KLF12: variants seen among roughly 807,000 people sequenced by gnomAD.
KLF12 encodes KLF transcription factor 12, also known as Krueppel-like factor 12.
In KLF12, 9 loss-of-function variants were observed where a neutral mutation model predicts 37.8. That is an observed-to-expected ratio of 0.24 (90% CI 0.14 to 0.42). KLF12 has a LOEUF of 0.42. Ranked by LOEUF, KLF12 falls within the 10% of genes least tolerant of loss-of-function variation. The probability of loss-of-function intolerance (pLI) is 1.00; values close to 1 mark genes in which losing one functional copy is unlikely to be tolerated. For synonymous variants in KLF12, 208 were observed against 202.1 expected, an observed-to-expected ratio of 1.03 and a Z score of -0.25; for missense variants, 411 against 516.0, an observed-to-expected ratio of 0.80 and a Z score of 1.97.
At chr13:74,250,811 T>C in the KLF12 span, among the ~76,000 whole-genome samples, 3 of 152,208 alleles carry the variant, frequency 2.0e-5, no homozygotes, top group African/African-American at 4.8e-5. Flanking sequence ...AACCATTACA[T>C]GCATTAGTCA....
chr13:74,125,154 A>T (rs559789341), intron 1 of KLF12, among the ~76,000 whole-genome samples: 2,200 of 143,266 alleles, frequency 0.015, 60 homozygotes, highest in African/African-American at 0.052. Flanking sequence ...CAAAAAAAAA[A>T]ATATATATAT....
chr13:74,242,414 T>A, the KLF12 span, among the ~76,000 whole-genome samples: 1 of 152,098 alleles, frequency 6.6e-6, no homozygotes, highest in South Asian at 2.1e-4. Flanking sequence ...GAGAACCAAG[T>A]GAAAGAGGAA....
intron 1 of KLF12, among the ~76,000 whole-genome samples, chr13:74,022,089 G>C (rs916897558): frequency 6.6e-5 from 10 of 152,016 alleles, no homozygotes; most frequent in African/African-American, 2.4e-4. Context: ...TTGTGTCTTA[G>C]ATATTCTAAA....
chr13:74,147,012 C>A, the KLF12 span, among the ~76,000 whole-genome samples: 7 of 152,168 alleles, frequency 4.6e-5, no homozygotes, highest in African/African-American at 1.7e-4. Context: ...GATTGTGTAG[C>A]CCGTGCATGT....
chr13:74,192,108 T>C, the KLF12 span, among the ~76,000 whole-genome samples: 1 of 151,966 alleles, frequency 6.6e-6, no homozygotes, highest in Non-Finnish European at 1.5e-5. Context: ...CTTTGAGAAA[T>C]GTGTGCTTTC....
intron 2 of KLF12, among the ~76,000 whole-genome samples, chr13:73,965,027 G>A (rs1264697394): frequency 6.6e-6 from 1 of 152,130 alleles, no homozygotes; most frequent in Non-Finnish European, 1.5e-5. Context: ...AAGCAGTTTA[G>A]CTTGGCCTTG....
the KLF12 span, among the ~76,000 whole-genome samples, chr13:74,238,864 A>G: frequency 3.3e-5 from 5 of 151,534 alleles, no homozygotes; most frequent in East Asian, 9.7e-4. Flanking sequence ...GCGGTCTGTC[A>G]ATTTTGTTGA....
the KLF12 span, among the ~76,000 whole-genome samples, chr13:74,199,971 T>C: frequency 2.6e-5 from 4 of 152,270 alleles, no homozygotes; most frequent in East Asian, 1.9e-4. Flanking sequence ...TAAACACTTA[T>C]AGCATCCTAC....
At chr13:73,913,000 C>A (rs554635027) in intron 3 of KLF12, among the ~76,000 whole-genome samples, 33 of 151,766 alleles carry the variant, frequency 2.2e-4, no homozygotes, top group Non-Finnish European at 3.7e-4. Flanking sequence ...TCCAAGAAAC[C>A]TTCCCTTATT....
chr13:73,918,710 A>G (rs1315750937), intron 3 of KLF12, among the ~76,000 whole-genome samples: 2 of 152,156 alleles, frequency 1.3e-5, no homozygotes, highest in African/African-American at 4.8e-5. Context: ...TTATCCAACA[A>G]GGACTTATTT....
intron 3 of KLF12, among the ~76,000 whole-genome samples, chr13:73,914,673 A>T (rs987483753): frequency 8.5e-5 from 13 of 152,200 alleles, no homozygotes; most frequent in Admixed American, 8.5e-4. Context: ...GAGACAGCAC[A>T]CGGGGCTATT....
At chr13:73,894,474 G>T (rs112596174) in intron 3 of KLF12, among the ~76,000 whole-genome samples, 2,567 of 152,186 alleles carry the variant, frequency 0.017, 47 homozygotes, top group African/African-American at 0.045. Context: ...TAATTCATAA[G>T]AGGTTGTCAC....
chr13:73,708,171 A>G (rs1272858817), intron 7 of KLF12, among the ~76,000 whole-genome samples: 2 of 152,206 alleles, frequency 1.3e-5, no homozygotes, highest in African/African-American at 4.8e-5. Flanking sequence ...CTTAATGTAC[A>G]AAATTCAGAT....
intron 1 of KLF12, among the ~76,000 whole-genome samples, chr13:74,111,711 TGC>T (rs2138927002): frequency 9.2e-6 from 1 of 108,242 alleles, no homozygotes; most frequent in Admixed American, 1.0e-4. Context: ...AAAACATTTG[TGC>T]CAATGGGGAA....
chr13:73,947,724 A>C (rs577126080), intron 2 of KLF12, among the ~76,000 whole-genome samples: 1 of 151,976 alleles, frequency 6.6e-6, no homozygotes, highest in South Asian at 2.1e-4. Flanking sequence ...AAAACCATAT[A>C]ATCACAACAG....
chr13:73,891,977 C>G (rs1476557615), intron 3 of KLF12, among the ~76,000 whole-genome samples: 3 of 152,064 alleles, frequency 2.0e-5, no homozygotes, highest in African/African-American at 7.2e-5. Context: ...ACTGCTTCAT[C>G]ACTACTGCTG....
chr13:74,035,887 C>T (rs941065762), intron 1 of KLF12, among the ~76,000 whole-genome samples: 2 of 152,106 alleles, frequency 1.3e-5, no homozygotes, highest in Non-Finnish European at 2.9e-5. Context: ...AGCTTTTTTA[C>T]TTTTCTATAA....
intron 7 of KLF12, among the ~76,000 whole-genome samples, chr13:73,706,780 C>T (rs1874984900): frequency 6.6e-6 from 1 of 152,178 alleles, no homozygotes; most frequent in East Asian, 1.9e-4. Context: ...ATGAGGCTGT[C>T]TCTCCCACCA....
rs1420572032 is a variant in KLF12, at chr13:73,843,365, C to T, written c.670+2462G>A. Among the ~76,000 whole-genome samples, 3 of 151,352 alleles carry T rather than the reference C, an allele frequency of 2.0e-5. No homozygotes were observed. The East Asian group carries it at 5.8e-4, about 29-fold the overall frequency. ...TGTTGCCCAGGCTGAAGTGCAATGGCTCAATCTTGGCTCACTGCAACCTCC... is the reference window on the plus strand; with the variant it reads ...TGTTGCCCAGGCTGAAGTGCAATGGTTCAATCTTGGCTCACTGCAACCTCC... On this transcript the variant is annotated intron_variant, in intron 4 of 7. Coordinates refer to ENST00000377669, the MANE Select transcript of KLF12 (RefSeq NM_007249.5).
Sources: gnomAD v4.1 joint callset for allele counts (sites outside exome capture counted in the v4.1 genomes callset) on GRCh38, gnomAD v4.1.1 for gene constraint, MANE v1.5 for transcripts, NCBI Gene and HGNC (gene_info 2026-07-23, HGNC 2026-07-21) for gene names.